SDK1: variants seen among roughly 807,000 people sequenced by gnomAD.
The protein encoded by SDK1 is protein sidekick-1.
Under a neutral mutation model 245.5 loss-of-function variants are expected in SDK1, and 157 were observed. That is an observed-to-expected ratio of 0.64 (90% CI 0.56 to 0.73). The LOEUF (loss-of-function observed/expected upper bound fraction) is 0.73. Ranked by LOEUF, SDK1 falls within the 30% of genes least tolerant of loss-of-function variation. The pLI, the probability that SDK1 is intolerant of heterozygous loss-of-function variation, is 0.00. For missense variants in SDK1, 3,583 were observed against 3,002.3 expected, an observed-to-expected ratio of 1.19 and a Z score of -4.52; for synonymous variants, 1,647 against 1,278.5, an observed-to-expected ratio of 1.29 and a Z score of -6.15.
intron 36 of SDK1, among the ~76,000 whole-genome samples, chr7:4,206,571 G>T (rs1476324891): frequency 1.3e-5 from 2 of 152,228 alleles, no homozygotes; most frequent in Non-Finnish European, 2.9e-5. Context: ...AGGGTCTAGA[G>T]ATGGGGAGAA....
chr7:3,749,011 T>G (rs1779701603), intron 4 of SDK1, among the ~76,000 whole-genome samples: 1 of 152,168 alleles, frequency 6.6e-6, no homozygotes. Context: ...AACTCACACT[T>G]AGATGGAGAC....
chr7:3,957,556 C>G (rs902935353), intron 7 of SDK1, among the ~76,000 whole-genome samples: 1 of 151,986 alleles, frequency 6.6e-6, no homozygotes, highest in African/African-American at 2.4e-5. Flanking sequence ...ATGTTTTTTT[C>G]CTTTTTCCTT....
At chr7:3,963,752 C>T (rs547154731) in intron 9 of SDK1, among the ~76,000 whole-genome samples, 36 of 151,906 alleles carry the variant, frequency 2.4e-4, no homozygotes, top group African/African-American at 7.5e-4. Flanking sequence ...CCATGGCTAT[C>T]TGGATGTAAC....
intron 1 of SDK1, among the ~76,000 whole-genome samples, chr7:3,611,229 T>C (rs1271354784): frequency 6.6e-6 from 1 of 152,218 alleles, no homozygotes; most frequent in Non-Finnish European, 1.5e-5. Flanking sequence ...TAGAAATATT[T>C]ATGATAAGCT....
At chr7:3,680,561 A>C (rs1283958655) in intron 4 of SDK1, among the ~76,000 whole-genome samples, 1 of 152,206 alleles carries the variant, frequency 6.6e-6, no homozygotes. Flanking sequence ...ATAAGGTTTT[A>C]CTTTGGGGGA....
In SDK1 at chr7:4,121,801, A is replaced by T. The variant is rs866897846; in HGVS notation, c.3824-5580A>T. The stretch of plus-strand genomic sequence containing the variant: ...GAAGCTTTGTTTTGTCAGTTATTAC[A>T]TTCTTTCTTATTTTGAGGGTTATAG... On this transcript the variant is annotated intron_variant, in intron 25 of 44. Transcript: ENST00000404826. 2.0e-5 allele frequency among the ~76,000 whole-genome samples: 3 copies of T among 152,148 alleles called. No homozygotes were observed. In the East Asian group the frequency reaches 5.8e-4, roughly 29 times the overall value.
chr7:3,314,407 G>A (rs1427544096), intron 1 of SDK1, among the ~76,000 whole-genome samples: 1 of 152,178 alleles, frequency 6.6e-6, no homozygotes, highest in Non-Finnish European at 1.5e-5. Context: ...TGTGGACTTG[G>A]ATCTTGGCCA....
chr7:3,708,855 C>G (rs1163265306), intron 4 of SDK1, among the ~76,000 whole-genome samples: 1 of 152,178 alleles, frequency 6.6e-6, no homozygotes, highest in Non-Finnish European at 1.5e-5. Flanking sequence ...TCTATTCTGC[C>G]CATGTGTATC....
intron 19 of SDK1, among the ~76,000 whole-genome samples, chr7:4,052,735 T>C (rs1353742112): frequency 1.3e-5 from 2 of 152,150 alleles, no homozygotes; most frequent in African/African-American, 4.8e-5. Flanking sequence ...TTTCGTTGTA[T>C]TTTTTTGCAT....
chr7:3,330,063 T>C (rs915557804), intron 1 of SDK1, among the ~76,000 whole-genome samples: 1 of 152,226 alleles, frequency 6.6e-6, no homozygotes, highest in Non-Finnish European at 1.5e-5. Flanking sequence ...AGTATTTCAT[T>C]GTATGTATAT....
chr7:3,758,589 G>A (rs1265087764), intron 4 of SDK1, among the ~76,000 whole-genome samples: 1 of 152,126 alleles, frequency 6.6e-6, no homozygotes, highest in Non-Finnish European at 1.5e-5. Flanking sequence ...TTCTCCAGTT[G>A]GCCACTGTGT....
At chr7:3,365,247 T>A (rs1583749655) in intron 1 of SDK1, among the ~76,000 whole-genome samples, 1 of 152,178 alleles carries the variant, frequency 6.6e-6, no homozygotes, top group African/African-American at 2.4e-5. Flanking sequence ...GACATGTGTC[T>A]CAATTGTATT....
At chr7:3,476,223 G>C (rs544256092) in intron 1 of SDK1, among the ~76,000 whole-genome samples, 5 of 152,256 alleles carry the variant, frequency 3.3e-5, no homozygotes, top group African/African-American at 1.2e-4. Flanking sequence ...CTTCTGATCT[G>C]CTTTCACCTT....
At chr7:3,705,147 C>T (rs1784848858) in intron 4 of SDK1, among the ~76,000 whole-genome samples, 1 of 151,996 alleles carries the variant, frequency 6.6e-6, no homozygotes, top group Non-Finnish European at 1.5e-5. Context: ...GTTCTTTTTG[C>T]TTAGGATTGC....
At chr7:3,468,063 T>A (rs1781065161) in intron 1 of SDK1, among the ~76,000 whole-genome samples, 1 of 152,142 alleles carries the variant, frequency 6.6e-6, no homozygotes. Context: ...ATCTCAGTAT[T>A]TTAAAATGGA....
intron 1 of SDK1, among the ~76,000 whole-genome samples, chr7:3,424,759 TG>T (rs1779630380): frequency 6.6e-6 from 1 of 152,020 alleles, no homozygotes; most frequent in African/African-American, 2.4e-5. Flanking sequence ...TAGCCAGGCA[TG>T]GTGGCGTGCA....
intron 1 of SDK1, among the ~76,000 whole-genome samples, chr7:3,572,665 T>C (rs984511147): frequency 7.2e-5 from 11 of 152,208 alleles, no homozygotes; most frequent in Middle Eastern, 3.4e-3. Context: ...TTCAGTCATC[T>C]ATTTGTCAAG....
intron 1 of SDK1, among the ~76,000 whole-genome samples, chr7:3,400,809 A>T (rs1352170897): frequency 1.3e-5 from 2 of 152,214 alleles, no homozygotes; most frequent in African/African-American, 4.8e-5. Context: ...AACACATGAG[A>T]TGAGGAATCT....
intron 13 of SDK1, among the ~76,000 whole-genome samples, chr7:3,975,445 C>T (rs539995706): frequency 1.1e-4 from 17 of 152,270 alleles, no homozygotes; most frequent in African/African-American, 4.1e-4. Flanking sequence ...CCCTTTGATC[C>T]AGGAAAGATT....
Sources: allele counts gnomAD v4.1 joint callset (sites outside exome capture counted in the v4.1 genomes callset), GRCh38; gene constraint gnomAD v4.1.1; transcripts MANE v1.5; gene names NCBI Gene and HGNC (gene_info 2026-07-23, HGNC 2026-07-21).